DAZAP1: variants seen among roughly 807,000 people sequenced by gnomAD.
DAZAP1 encodes the protein DAZ associated protein 1.
Under a neutral mutation model 60.1 loss-of-function variants are expected in DAZAP1, and 6 were observed. The ratio of observed to expected loss-of-function variants is 0.10; its 90% confidence interval spans 0.05 to 0.20. DAZAP1 has a LOEUF of 0.20. DAZAP1 is among the 10% of genes least tolerant of loss of function. The probability of loss-of-function intolerance (pLI) is 1.00; values close to 1 mark genes in which losing one functional copy is unlikely to be tolerated. For synonymous variants in DAZAP1, 235 were observed against 215.9 expected, an observed-to-expected ratio of 1.09 and a Z score of -0.78; for missense variants, 366 against 560.4, an observed-to-expected ratio of 0.65 and a Z score of 3.50.
Position 1,434,679 on chromosome 19 carries a change from CGACGGCAGTGCCAACCGCCCAGG to C in DAZAP1, c.1049-54_1049-32del. On this transcript the variant is annotated intron_variant, in intron 11 of 11. Transcript: ENST00000233078. This position sits in a 1 kb window ranked among gnomAD's most constrained non-coding sequence, Gnocchi z 8.0. Reference sequence around the variant, plus strand: ...GGAGCTGTGTCCAGGTGGCCTCGCTCGACGGCAGTGCCAACCGCCCAGGGACCGCCCCGAGCTCACAGGACTTT... The same window carrying C: ...GGAGCTGTGTCCAGGTGGCCTCGCTCGACCGCCCCGAGCTCACAGGACTTT... 1.3e-6 allele frequency: 2 copies of C among 1,588,764 alleles called. No individual in the cohort carries two copies. Among genetic ancestry groups the C allele is most frequent in the South Asian group, 1.1e-5 (1 of 89,408 alleles).
At chr19:1,430,137 G>A (rs2083407232) in intron 9 of DAZAP1, 85 bp from the exon 10 acceptor site, 1 of 1,521,850 alleles carries the variant, frequency 6.6e-7, no homozygotes, top group Non-Finnish European at 9.0e-7. Context: ...GGCCTGCTAG[G>A]GCCCCTGGCA....
chr19:1,434,679 C>A lies in DAZAP1; in HGVS notation c.1049-58C>A. 6.3e-7 allele frequency: 1 copy of A among 1,588,762 alleles called. No individual in the cohort carries two copies. Among genetic ancestry groups the A allele is most frequent in the South Asian group, 1.1e-5 (1 of 89,408 alleles). The stretch of plus-strand genomic sequence containing the variant: ...GGAGCTGTGTCCAGGTGGCCTCGCT[C>A]GACGGCAGTGCCAACCGCCCAGGGA... On this transcript the variant is annotated intron_variant, in intron 11 of 11. Coordinates refer to ENST00000233078, the MANE Select transcript of DAZAP1 (RefSeq NM_018959.4). The surrounding 1 kb of genome is among the most constrained non-coding windows in gnomAD (Gnocchi z 8.0).
intron 1 of DAZAP1, among the ~76,000 whole-genome samples, chr19:1,414,960 A>G (rs1030916198): frequency 3.3e-5 from 5 of 151,754 alleles, no homozygotes; most frequent in African/African-American, 1.2e-4. Context: ...AGCTGGGACT[A>G]CAGGTGCCTG....
intron 8 of DAZAP1, among the ~76,000 whole-genome samples, chr19:1,429,507 C>T (rs1438532009): frequency 6.6e-6 from 1 of 152,192 alleles, no homozygotes. Context: ...GGCTGCAGCC[C>T]GACCCGAGTT....
In DAZAP1 at chr19:1,432,388, G is replaced by A; in HGVS notation, c.872-126G>A. ...ATTCTGTGGATGTCCACAAGGCCTG[G>A]GCGTTCTGTGGGTTTGGGTGGCAGT... On this transcript the variant is annotated intron_variant, in intron 10 of 11. Coordinates refer to ENST00000233078, the MANE Select transcript of DAZAP1 (RefSeq NM_018959.4). This position sits in a 1 kb window ranked among gnomAD's most constrained non-coding sequence, Gnocchi z 4.9. 1 of 962,058 alleles carries A rather than the reference G, an allele frequency of 1.0e-6. No individual in the cohort carries two copies. Among genetic ancestry groups the A allele is most frequent in the South Asian group, 1.4e-5 (1 of 71,468 alleles). The allele number at this position is 962,058 out of a possible 1,614,324, so 59.6% of individuals were successfully genotyped here. A position where few individuals can be genotyped will look rare whatever the true frequency, so the allele number is the denominator to read the frequency against.
At chr19:1,424,281 C>A (rs953772191) in intron 6 of DAZAP1, among the ~76,000 whole-genome samples, 1 of 151,104 alleles carries the variant, frequency 6.6e-6, no homozygotes, top group Non-Finnish European at 1.5e-5. Flanking sequence ...GCGCTCCTCT[C>A]GCTGTGTGCC....
intron 5 of DAZAP1, among the ~76,000 whole-genome samples, chr19:1,421,573 G>A (rs1161511814): frequency 6.6e-6 from 1 of 152,392 alleles, no homozygotes; most frequent in Non-Finnish European, 1.5e-5. Context: ...CAGAAACGGG[G>A]TTCAGTGTGG....
intron 1 of DAZAP1, among the ~76,000 whole-genome samples, chr19:1,413,300 C>G (rs2082880883): frequency 6.6e-6 from 1 of 152,248 alleles, no homozygotes; most frequent in African/African-American, 2.4e-5. Context: ...GTTGGTTCTG[C>G]TGCCTGGGCA....
rs1442569336 is a variant in DAZAP1 at position 1,435,225 on chromosome 19, T to G, written c.*313T>G. The G allele has an allele frequency of 5.6e-6, 1 of 179,242 alleles. No homozygotes were observed. The highest frequency in any genetic ancestry group is 1.4e-4 in the East Asian group (1 of 6,950). 11.1% of individuals were successfully genotyped at this position (179,242 alleles called of 1,614,324 possible). On this transcript the variant is annotated 3_prime_UTR_variant, in exon 12 of 12. Transcript: ENST00000233078. ...TTTTTGGAAATTATTTTCCTGAGCC[T>G]TTTGTTTTACGGTATATTGTAAACT...
intron 1 of DAZAP1, among the ~76,000 whole-genome samples, chr19:1,414,722 C>T (rs1271557078): frequency 2.0e-5 from 3 of 150,844 alleles, no homozygotes; most frequent in East Asian, 1.9e-4. Flanking sequence ...GGCAACACAG[C>T]GAGACAATTT....
intron 6 of DAZAP1, among the ~76,000 whole-genome samples, chr19:1,424,582 G>C (rs2083259366): frequency 6.6e-6 from 1 of 151,714 alleles, no homozygotes; most frequent in Admixed American, 6.6e-5. Flanking sequence ...TGTCTCTTCA[G>C]CTTGAGAGGC....
chr19:1,422,839 C>CCCTTT lies in DAZAP1; in HGVS notation c.463+444_463+445insCTTTC, dbSNP rs2083197828. ...CTTTTTTTTTCTTTCTTTCTTTTTT[C>CCCTTT]CTTTTCTTTTCTTTTTCTTTTTTTT... On this transcript the variant is annotated intron_variant, in intron 6 of 11. Transcript: ENST00000233078. The surrounding 1 kb of genome is among the most constrained non-coding windows in gnomAD (Gnocchi z 4.5). Among the ~76,000 whole-genome samples, 1 of 134,130 alleles carries CCCTTT rather than the reference C, an allele frequency of 7.5e-6. No individual in the cohort carries two copies. The highest frequency in any genetic ancestry group is 3.8e-5 in the African/African-American group (1 of 26,660). 88.0% of individuals were successfully genotyped at this position (134,130 alleles called of 152,430 possible). A position where few individuals can be genotyped will look rare whatever the true frequency, so the allele number is the denominator to read the frequency against.
intron 1 of DAZAP1, among the ~76,000 whole-genome samples, chr19:1,411,349 G>A (rs934221367): frequency 2.0e-5 from 3 of 152,238 alleles, no homozygotes; most frequent in African/African-American, 7.2e-5. Context: ...ACCCCCAGTC[G>A]TGACAACCAC....
chr19:1,415,534 C>T (rs2082957105), intron 1 of DAZAP1, among the ~76,000 whole-genome samples: 1 of 151,604 alleles, frequency 6.6e-6, no homozygotes, highest in African/African-American at 2.4e-5. Flanking sequence ...CTGCTGGGTG[C>T]CGGGCCCTGC....
chr19:1,414,662 G>C (rs1177071348), intron 1 of DAZAP1, among the ~76,000 whole-genome samples: 3 of 151,914 alleles, frequency 2.0e-5, no homozygotes, highest in Non-Finnish European at 4.4e-5. Flanking sequence ...CTTGAACCCG[G>C]GAGGCGGAGG....
Position 1,433,782 on chromosome 19 carries a change from CTT to C in DAZAP1, c.1049-953_1049-952del. 1 of 1,614,034 alleles carries C rather than the reference CTT, an allele frequency of 6.2e-7. No individual in the cohort carries two copies. The highest frequency in any genetic ancestry group is 8.5e-7 in the Non-Finnish European group (1 of 1,179,924). ...CAGCCCCGCCGGGCTGCGGCCCACA[CTT>C]TGTTTACAGTCTTATGGTCAGGCTG... On this transcript the variant is annotated intron_variant, in intron 11 of 11. Transcript: ENST00000233078. This position sits in a 1 kb window ranked among gnomAD's most constrained non-coding sequence, Gnocchi z 6.1.
rs2083181168 is a variant in DAZAP1, at chr19:1,422,315, G to C, written c.415-33G>C. 3.7e-6 allele frequency: 6 copies of C among 1,609,802 alleles called. No homozygotes were observed. The highest frequency in any genetic ancestry group is 4.3e-6 in the Non-Finnish European group (5 of 1,176,394). On this transcript the variant is annotated intron_variant, in intron 5 of 11. Coordinates refer to ENST00000233078, the MANE Select transcript of DAZAP1 (RefSeq NM_018959.4). The surrounding 1 kb of genome is among the most constrained non-coding windows in gnomAD (Gnocchi z 4.5). The stretch of plus-strand genomic sequence containing the variant: ...GAAGACCACCTGTGGTGCTGGCCCT[G>C]GTGTCCGTGCTGACGCCACCCTCTC...
At chr19:1,431,919 G>A in intron 10 of DAZAP1, 1 of 154,102 alleles carries the variant, frequency 6.5e-6, no homozygotes, top group South Asian at 2.0e-4. Context: ...CGTCTCGGGG[G>A]TTTGGAGGCT....
At chr19:1,430,499 T>C (rs1163091239) in intron 10 of DAZAP1, 137 bp downstream of exon 10, 1 of 762,774 alleles carries the variant, frequency 1.3e-6, no homozygotes, top group Non-Finnish European at 2.0e-6. Context: ...GCAGGTCACC[T>C]GCCACCAGGC....
Sources: gnomAD v4.1 joint callset for allele counts (sites outside exome capture counted in the v4.1 genomes callset) on GRCh38, gnomAD v4.1.1 for gene constraint, Gnocchi (gnomAD v3.1) non-coding constraint, MANE v1.5 for transcripts, NCBI Gene and HGNC (gene_info 2026-07-23, HGNC 2026-07-21) for gene names.